Variants in NCEH1 observed in about 807,000 individuals in gnomAD.
The protein encoded by NCEH1 is neutral cholesterol ester hydrolase 1, also known as 2-acetyl MAGE hydrolase.
A neutral mutation model predicts 25.4 loss-of-function variants in NCEH1; 9 were observed. The observed-to-expected ratio is 0.35, with a 90% confidence interval of 0.21 to 0.62. The LOEUF is 0.62. Among genes scored for constraint, NCEH1 ranks in the 20% least tolerant of loss-of-function variants. The pLI, the probability that NCEH1 is intolerant of heterozygous loss-of-function variation, is 0.72. For missense variants in NCEH1, 412 were observed against 501.1 expected (o/e 0.82, Z 1.70); for synonymous variants, 200 against 199.8 (o/e 1.00, Z -0.01).
intron 1 of NCEH1, among the ~76,000 whole-genome samples, chr3:172,670,790 A>G (rs1711569912): frequency 1.3e-5 from 2 of 152,172 alleles, no homozygotes; most frequent in Non-Finnish European, 2.9e-5. Flanking sequence ...TAAGTTTCTA[A>G]TATTTCATTT....
At chr3:172,650,829 AAAAAAAAG>A in intron 1 of NCEH1, among the ~76,000 whole-genome samples, 6 of 148,748 alleles carry the variant, frequency 4.0e-5, no homozygotes, top group Non-Finnish European at 9.0e-5. Context: ...AAAAAAAAAA[AAAAAAAAG>A]GGACAATTTG....
At chr3:172,664,633 A>G (rs970139953) in intron 1 of NCEH1, among the ~76,000 whole-genome samples, 2 of 152,124 alleles carry the variant, frequency 1.3e-5, no homozygotes, top group Admixed American at 6.5e-5. Flanking sequence ...ACATAGTCCC[A>G]TATTTCTTGG....
At position 172,632,734 on chromosome 3, in the gene NCEH1, G is replaced by A. The variant is rs929771022; in HGVS notation, c.*741C>T. 5.9e-5 allele frequency: 9 copies of A among 152,526 alleles called. No individual in the cohort carries two copies. Among genetic ancestry groups the A allele is most frequent in the African/African-American group, 2.2e-4 (9 of 41,424 alleles). 9.4% of individuals were successfully genotyped at this position (152,526 alleles called of 1,614,324 possible). ...AGTTTGCTCCCAAATATCTCCCCAA[G>A]GAGAAGGGGGACAGCATAACCAAAA... On this transcript the variant is annotated 3_prime_UTR_variant, in exon 5 of 5. Coordinates refer to ENST00000475381, the MANE Select transcript of NCEH1 (RefSeq NM_020792.6).
intron 1 of NCEH1, among the ~76,000 whole-genome samples, chr3:172,689,403 C>T (rs967159301): frequency 6.6e-6 from 1 of 151,370 alleles, no homozygotes; most frequent in Non-Finnish European, 1.5e-5. Context: ...GGACTACAAG[C>T]GCCCGCCTAA....
At chr3:172,692,270 C>T (rs1027414593) in intron 1 of NCEH1, among the ~76,000 whole-genome samples, 1 of 152,202 alleles carries the variant, frequency 6.6e-6, no homozygotes, top group African/African-American at 2.4e-5. Context: ...AGAAAAACCT[C>T]ATTGTTTTCA....
chr3:172,635,764 A>C (rs1044260606), intron 4 of NCEH1, 152 bp downstream of exon 4: 19 of 614,356 alleles, frequency 3.1e-5, no homozygotes, highest in Middle Eastern at 4.2e-4. Flanking sequence ...GATCTCTGAG[A>C]GCTCTACAAG....
chr3:172,652,938 G>A (rs976366073), intron 1 of NCEH1, among the ~76,000 whole-genome samples: 1 of 151,586 alleles, frequency 6.6e-6, no homozygotes, highest in African/African-American at 2.4e-5. Context: ...CTCCTGACCT[G>A]AAGTGATCCA....
chr3:172,687,285 G>A (rs188041239), intron 1 of NCEH1, among the ~76,000 whole-genome samples: 1 of 152,124 alleles, frequency 6.6e-6, no homozygotes, highest in African/African-American at 2.4e-5. Flanking sequence ...ATACCATCCT[G>A]GCTCAGTTTT....
intron 1 of NCEH1, among the ~76,000 whole-genome samples, chr3:172,653,875 G>T (rs1474841249): frequency 1.3e-5 from 2 of 151,380 alleles, no homozygotes; most frequent in Non-Finnish European, 2.9e-5. Context: ...TCCTGCCTCA[G>T]TCTCCTGAGT....
chr3:172,662,933 T>C (rs181454258), intron 1 of NCEH1, among the ~76,000 whole-genome samples: 133 of 152,386 alleles, frequency 8.7e-4, no homozygotes, highest in Non-Finnish European at 1.6e-3. Flanking sequence ...CTTTGATTTC[T>C]TGAAGGGTTT....
chr3:172,672,461 G>C (rs1333321772), intron 1 of NCEH1, among the ~76,000 whole-genome samples: 1 of 152,202 alleles, frequency 6.6e-6, no homozygotes, highest in Non-Finnish European at 1.5e-5. Context: ...CCAAAAGCCA[G>C]ATGAGAATCC....
intron 1 of NCEH1, among the ~76,000 whole-genome samples, chr3:172,664,702 T>G (rs1718123923): frequency 1.3e-5 from 2 of 152,208 alleles, no homozygotes; most frequent in African/African-American, 2.4e-5. Flanking sequence ...CTTCATTTCA[T>G]TCATTTGATC....
chr3:172,704,110 G>A (rs1372804712), intron 1 of NCEH1, among the ~76,000 whole-genome samples: 3 of 152,192 alleles, frequency 2.0e-5, no homozygotes, highest in Middle Eastern at 3.2e-3. Context: ...TTATTAGCAC[G>A]TTGAAGTTCT....
intron 1 of NCEH1, among the ~76,000 whole-genome samples, chr3:172,656,683 T>G (rs767006653): frequency 1.3e-5 from 2 of 152,074 alleles, no homozygotes; most frequent in Non-Finnish European, 2.9e-5. Flanking sequence ...GGAGAATTGC[T>G]TGACACCGGG....
rs868190201 is a variant in NCEH1, at chr3:172,648,058, G to A, written c.195C>T (p.Ile65=). 1 of 1,614,100 alleles carries A rather than the reference G, an allele frequency of 6.2e-7. No homozygotes were observed. Among genetic ancestry groups the A allele is most frequent in the Non-Finnish European group, 8.5e-7 (1 of 1,180,012 alleles). The change falls in exon 2 of 5, where the codon ATC becomes ATT. Residue 65 remains isoleucine (I), a synonymous_variant. Coordinates refer to ENST00000475381, the MANE Select transcript of NCEH1 (RefSeq NM_020792.6). ...LSHHLLALNF[I]IVSFGKKSAW... ...CGCTTTTTTTGCCAAAAGAAACAATGATAAAATTCAGTGCCAGCAGGTGAT... is the reference window on the plus strand; with the variant it reads ...CGCTTTTTTTGCCAAAAGAAACAATAATAAAATTCAGTGCCAGCAGGTGAT...
intron 1 of NCEH1, among the ~76,000 whole-genome samples, chr3:172,673,509 T>C (rs556371598): frequency 6.6e-6 from 1 of 152,368 alleles, no homozygotes; most frequent in South Asian, 2.1e-4. Flanking sequence ...AAGTATGCTT[T>C]CCTGATTTTC....
chr3:172,643,232 G>T (rs575848405), intron 3 of NCEH1, among the ~76,000 whole-genome samples: 4 of 152,018 alleles, frequency 2.6e-5, no homozygotes, highest in Non-Finnish European at 5.9e-5. Flanking sequence ...GAGCCACCGC[G>T]CCTGGCCTTT....
chr3:172,702,692 A>C (rs1713762194), intron 1 of NCEH1, among the ~76,000 whole-genome samples: 1 of 152,228 alleles, frequency 6.6e-6, no homozygotes, highest in African/African-American at 2.4e-5. Context: ...TCACTTGAAA[A>C]TTCAATTACA....
chr3:172,694,103 A>G (rs559869343), intron 1 of NCEH1, among the ~76,000 whole-genome samples: 1 of 152,308 alleles, frequency 6.6e-6, no homozygotes, highest in East Asian at 1.9e-4. Flanking sequence ...CACATTGGCC[A>G]GGATGATCTC....
Sources: allele counts gnomAD v4.1 joint callset (sites outside exome capture counted in the v4.1 genomes callset), GRCh38; gene constraint gnomAD v4.1.1; transcripts MANE v1.5; gene names NCBI Gene and HGNC (gene_info 2026-07-23, HGNC 2026-07-21).